Variants in UBE2E2 observed in about 807,000 individuals in gnomAD.
UBE2E2 encodes the protein ubiquitin-conjugating enzyme E2 E2.
In UBE2E2, 6 loss-of-function variants were observed where a neutral mutation model predicts 24.7. The observed-to-expected ratio is 0.24, with a 90% CI of 0.13 to 0.48. UBE2E2 has a LOEUF of 0.48. Among genes scored for constraint, UBE2E2 ranks in the 20% least tolerant of loss-of-function variants. The pLI is 0.99. For synonymous variants in UBE2E2, 104 were observed against 83.6 expected (o/e 1.24, Z -1.33); for missense variants, 169 against 245.0 (o/e 0.69, Z 2.07).
intron 3 of UBE2E2, among the ~76,000 whole-genome samples, chr3:23,471,540 A>G (rs1257671731): frequency 2.0e-5 from 3 of 152,230 alleles, no homozygotes; most frequent in African/African-American, 7.2e-5. Context: ...CAGCAAGCCA[A>G]TTACATAGCA....
At chr3:23,565,053 T>G (rs2125507525) in intron 5 of UBE2E2, among the ~76,000 whole-genome samples, 1 of 152,214 alleles carries the variant, frequency 6.6e-6, no homozygotes, top group South Asian at 2.1e-4. Flanking sequence ...AAATTCCTCC[T>G]TGTCAAAAAA....
intron 3 of UBE2E2, among the ~76,000 whole-genome samples, chr3:23,297,765 TGGG>T (rs1438668308): frequency 6.6e-6 from 1 of 152,190 alleles, no homozygotes; most frequent in Admixed American, 6.5e-5. Flanking sequence ...GACTTGGTGA[TGGG>T]GGCTCTTTTT....
intron 3 of UBE2E2, among the ~76,000 whole-genome samples, chr3:23,399,103 C>T (rs1282639645): frequency 1.3e-5 from 2 of 152,130 alleles, no homozygotes; most frequent in African/African-American, 4.8e-5. Flanking sequence ...AACTAATAGG[C>T]ATTTATCACG....
intron 3 of UBE2E2, among the ~76,000 whole-genome samples, chr3:23,336,404 T>C (rs1256737027): frequency 6.6e-6 from 1 of 152,256 alleles, no homozygotes; most frequent in Non-Finnish European, 1.5e-5. Context: ...CAAATTAAGT[T>C]ACTTTAGTGG....
At chr3:23,403,313 C>A (rs1048885822) in intron 3 of UBE2E2, among the ~76,000 whole-genome samples, 3 of 152,202 alleles carry the variant, frequency 2.0e-5, no homozygotes, top group Admixed American at 2.0e-4. Flanking sequence ...AGTTTCACTT[C>A]TCCATTAATA....
chr3:23,240,630 T>C (rs1368030246), intron 3 of UBE2E2, among the ~76,000 whole-genome samples: 1 of 152,192 alleles, frequency 6.6e-6, no homozygotes, highest in Non-Finnish European at 1.5e-5. Flanking sequence ...GCAGATGAAA[T>C]CTGATAGGAT....
intron 4 of UBE2E2, among the ~76,000 whole-genome samples, chr3:23,519,843 AT>A (rs11442997): frequency 8.6e-4 from 128 of 148,128 alleles, no homozygotes; most frequent in Middle Eastern, 6.9e-3. Context: ...TGCCCAGCTA[AT>A]TTTTTTTTTT....
At chr3:23,252,855 C>T (rs1052910238) in intron 3 of UBE2E2, among the ~76,000 whole-genome samples, 2 of 152,200 alleles carry the variant, frequency 1.3e-5, no homozygotes, top group African/African-American at 2.4e-5. Context: ...CACATCAAAT[C>T]TGCAGCATTG....
chr3:23,344,367 CAT>C (rs1189586138), intron 3 of UBE2E2, among the ~76,000 whole-genome samples: 1 of 152,034 alleles, frequency 6.6e-6, no homozygotes, highest in Admixed American at 6.6e-5. Flanking sequence ...ACCGAAGGCT[CAT>C]GTGAAAAAGC....
chr3:23,504,745 AT>A (rs888070089), intron 4 of UBE2E2, among the ~76,000 whole-genome samples: 54 of 152,140 alleles, frequency 3.5e-4, no homozygotes, highest in African/African-American at 1.3e-3. Context: ...CGTGAATAAT[AT>A]AAAAAACATT....
intron 3 of UBE2E2, among the ~76,000 whole-genome samples, chr3:23,296,185 C>A (rs572089423): frequency 6.6e-6 from 1 of 152,200 alleles, no homozygotes; most frequent in Non-Finnish European, 1.5e-5. Context: ...GGGGAGCTTT[C>A]CATTCTAAAA....
At chr3:23,467,014 A>T (rs1319099778) in intron 3 of UBE2E2, among the ~76,000 whole-genome samples, 2 of 152,220 alleles carry the variant, frequency 1.3e-5, no homozygotes, top group Non-Finnish European at 2.9e-5. Context: ...GGTAGTTTAA[A>T]TGAGATCTTG....
chr3:23,295,416 G>A (rs1283104235), intron 3 of UBE2E2, among the ~76,000 whole-genome samples: 2 of 152,196 alleles, frequency 1.3e-5, no homozygotes, highest in East Asian at 3.9e-4. Flanking sequence ...CTCTAAAGAG[G>A]GCTGCAAGTG....
At position 23,297,057 on chromosome 3, in the gene UBE2E2, C is replaced by T. The variant is rs569733254; in HGVS notation, c.227+79745C>T. On this transcript the variant is annotated intron_variant, in intron 3 of 5. Coordinates refer to ENST00000396703, the MANE Select transcript of UBE2E2 (RefSeq NM_152653.4). ...TTTTGATTTGCATTTCTCTGATGGC[C>T]GGTGATGACGAGCACTTTTTCATGT... Among the ~76,000 whole-genome samples, 97 of 152,248 alleles carry T rather than the reference C, an allele frequency of 6.4e-4. 1 individual carries two copies. The highest frequency in any genetic ancestry group is 1.9e-3 in the African/African-American group (79 of 41,532).
At chr3:23,332,756 A>T (rs1394512457) in intron 3 of UBE2E2, among the ~76,000 whole-genome samples, 1 of 149,794 alleles carries the variant, frequency 6.7e-6, no homozygotes, top group South Asian at 2.1e-4. Context: ...TTATCAGGTG[A>T]TGTTTTTGTT....
Position 23,530,639 on chromosome 3 carries a change from G to A in UBE2E2, c.361-1915G>A, listed in dbSNP as rs182175175. ...TTTCTCTTCTCATTCTAGAGCCCAC[G>A]CTTTCTTTGGTAAGTTTCTTTGCTA... is the stretch of plus-strand genomic sequence containing the variant. On this transcript the variant is annotated intron_variant, in intron 4 of 5. Transcript: ENST00000396703. Among the ~76,000 whole-genome samples the A allele has an allele frequency of 6.6e-5, 10 of 152,176 alleles. No individual in the cohort carries two copies. In the East Asian group the frequency reaches 9.6e-4, roughly 15 times the overall value.
intron 4 of UBE2E2, among the ~76,000 whole-genome samples, chr3:23,508,986 C>T (rs752480622): frequency 6.6e-6 from 1 of 152,120 alleles, no homozygotes; most frequent in Non-Finnish European, 1.5e-5. Flanking sequence ...ACAAGTGATA[C>T]CCTCCCCTCA....
intron 3 of UBE2E2, among the ~76,000 whole-genome samples, chr3:23,287,025 C>T (rs540707892): frequency 6.6e-6 from 1 of 152,198 alleles, no homozygotes; most frequent in East Asian, 1.9e-4. Flanking sequence ...AGAGGAAAGT[C>T]TTTCAGTTTT....
intron 3 of UBE2E2, among the ~76,000 whole-genome samples, chr3:23,456,199 A>G (rs2125420781): frequency 6.6e-6 from 1 of 152,326 alleles, no homozygotes; most frequent in South Asian, 2.1e-4. Context: ...CTCCACTTAT[A>G]ATTCTAGTTC....
Sources: allele counts gnomAD v4.1 joint callset (sites outside exome capture counted in the v4.1 genomes callset), GRCh38; gene constraint gnomAD v4.1.1; transcripts MANE v1.5; gene names NCBI Gene and HGNC (gene_info 2026-07-23, HGNC 2026-07-21).